The following PLS3 variants were observed in gnomAD, a reference collection of about 807,000 sequenced individuals.
PLS3 encodes the protein plastin-3.
A neutral mutation model predicts 46.5 loss-of-function variants in PLS3; 11 were observed. That is an observed-to-expected ratio of 0.24 (90% confidence interval 0.15 to 0.39). The LOEUF is 0.39. Among genes scored for constraint, PLS3 ranks in the 10% least tolerant of loss-of-function variants. The probability of loss-of-function intolerance (pLI) is 1.00; values close to 1 mark genes in which losing one functional copy is unlikely to be tolerated. For missense variants in PLS3, 308 were observed against 461.8 expected (o/e 0.67, Z 3.05); for synonymous variants, 167 against 162.2 (o/e 1.03, Z -0.22).
chrX:115,583,187 T>C (rs1430294763), intron 1 of PLS3, among the ~76,000 whole-genome samples: 6 of 112,613 alleles, frequency 5.3e-5, no homozygotes, highest in Non-Finnish European at 9.4e-5. Flanking sequence ...AACTATATTA[T>C]GTAAAGCTCA....
chrX:115,581,328 T>G (rs2074278430), intron 1 of PLS3, among the ~76,000 whole-genome samples: 2 of 111,674 alleles, frequency 1.8e-5, no homozygotes, highest in Admixed American at 9.6e-5. Flanking sequence ...GTAATGGAGT[T>G]TGGGATATGT....
At chrX:115,594,648 T>C (rs868941387) in intron 1 of PLS3, among the ~76,000 whole-genome samples, 3 of 90,946 alleles carry the variant, frequency 3.3e-5, no homozygotes, top group Middle Eastern at 4.7e-3. Context: ...TCCCTCCCTC[T>C]CTCTCTCTCT....
At chrX:115,609,743 C>T in intron 1 of PLS3, among the ~76,000 whole-genome samples, 1 of 112,400 alleles carries the variant, frequency 8.9e-6, no homozygotes, top group Non-Finnish European at 1.9e-5. Flanking sequence ...TATATCAAAA[C>T]CAGCTATAAT....
chrX:115,643,184 C>A, intron 9 of PLS3, 129 bp from the exon 10 acceptor site: 1 of 456,618 alleles, frequency 2.2e-6, no homozygotes, highest in Non-Finnish European at 3.8e-6. Context: ...GCATTCAAAA[C>A]AATTTTATAA....
intron 1 of PLS3, among the ~76,000 whole-genome samples, chrX:115,607,568 C>T (rs1040191534): frequency 9.3e-6 from 1 of 107,843 alleles, no homozygotes; most frequent in African/African-American, 3.4e-5. Context: ...GTACGATCTC[C>T]GCTCACTGCA....
Position 115,643,312 on chromosome X carries a change from GGAAACAGAT to G in PLS3, c.990_998del (p.Glu330_Asp332del). The G allele has an allele frequency of 8.5e-7, 1 of 1,176,398 alleles. No homozygotes were observed. The highest frequency in any genetic ancestry group is 1.2e-6 in the Non-Finnish European group (1 of 868,244). On this transcript the variant is annotated inframe_deletion and splice_region_variant, in exon 10 of 16. Coordinates refer to ENST00000355899, the MANE Select transcript of PLS3 (RefSeq NM_005032.7). ...AAAGTCTTCCGATTTTGTTTCAACAGGAAACAGATGATTTGAAGAGAGCTGAGAGTATGC... is the reference window on the plus strand; with the variant it reads ...AAAGTCTTCCGATTTTGTTTCAACAGGATTTGAAGAGAGCTGAGAGTATGC...
At chrX:115,582,804 C>T (rs1366957802) in intron 1 of PLS3, among the ~76,000 whole-genome samples, 3 of 112,351 alleles carry the variant, frequency 2.7e-5, no homozygotes, top group Admixed American at 9.4e-5. Flanking sequence ...TTTAGGAGGC[C>T]GACGCGGGCG....
intron 2 of PLS3, chrX:115,614,589 G>T: frequency 1.4e-6 from 1 of 732,134 alleles, no homozygotes; most frequent in Non-Finnish European, 1.6e-6. Context: ...GAGATGTTTA[G>T]CAGCTGCCTT....
intron 1 of PLS3, chrX:115,562,528 G>C (rs2074145729): frequency 8.9e-6 from 1 of 111,752 alleles, no homozygotes; most frequent in Non-Finnish European, 1.9e-5. Context: ...GGGGGCGCCC[G>C]GCCTGTTAAG....
chrX:115,623,027 C>T (rs1305619986), intron 3 of PLS3, among the ~76,000 whole-genome samples: 1 of 111,288 alleles, frequency 9.0e-6, no homozygotes, highest in Non-Finnish European at 1.9e-5. Context: ...CCCCCCCACC[C>T]CACTCCCAGA....
At chrX:115,619,864 C>A (rs1390022860) in intron 2 of PLS3, among the ~76,000 whole-genome samples, 1 of 110,946 alleles carries the variant, frequency 9.0e-6, no homozygotes, top group Non-Finnish European at 1.9e-5. Flanking sequence ...GACCCTGTCT[C>A]AAAGAAATAC....
intron 1 of PLS3, among the ~76,000 whole-genome samples, chrX:115,569,304 A>G (rs2074198208): frequency 9.0e-6 from 1 of 111,338 alleles, no homozygotes; most frequent in African/African-American, 3.3e-5. Flanking sequence ...TTTATGTTTA[A>G]TATTATTATA....
At chrX:115,641,373 G>A (rs990445465) in intron 9 of PLS3, among the ~76,000 whole-genome samples, 3 of 107,507 alleles carry the variant, frequency 2.8e-5, no homozygotes, top group South Asian at 4.2e-4. Flanking sequence ...GATTACAGGC[G>A]CCCACCACCA....
At chrX:115,571,905 A>G (rs2074218938) in intron 1 of PLS3, among the ~76,000 whole-genome samples, 1 of 112,043 alleles carries the variant, frequency 8.9e-6, no homozygotes, top group African/African-American at 3.2e-5. Context: ...AAAAGCAAAA[A>G]CCAGGAAATG....
chrX:115,593,599 C>G lies in PLS3; in HGVS notation c.-8-16644C>G, dbSNP rs782607121. ...GAGAAGGTTCTGTCTATCAGTGCTG[C>G]GAGAAAGGAAAGAAACAAGTTTGCT... On this transcript the variant is annotated intron_variant, in intron 1 of 15. Transcript: ENST00000355899. The G allele has an allele frequency of 3.6e-5, 4 of 110,560 alleles. No homozygotes were observed. In the South Asian group the frequency reaches 1.5e-3, roughly 42 times the overall value. The allele number at this position is 110,560 out of a possible 1,213,427, so 9.1% of individuals were successfully genotyped here. A position where few individuals can be genotyped will look rare whatever the true frequency, so the allele number is the denominator to read the frequency against.
At position 115,609,560 on chromosome X, in the gene PLS3, T is replaced by A. The variant is rs782615484; in HGVS notation, c.-8-683T>A. The stretch of plus-strand genomic sequence containing the variant: ...TTTAATAACCATATCCAGCTTGAGG[T>A]CATACAAAAACAACTGGTGATCCAG... On this transcript the variant is annotated intron_variant, in intron 1 of 15. Transcript: ENST00000355899. Among the ~76,000 whole-genome samples the A allele has an allele frequency of 1.2e-4, 14 of 112,019 alleles. No individual in the cohort carries two copies. In the South Asian group the frequency reaches 3.7e-3, roughly 30 times the overall value.
intron 8 of PLS3, 41 bp downstream of exon 8, chrX:115,637,019 T>G: frequency 8.7e-7 from 1 of 1,142,901 alleles, no homozygotes; most frequent in African/African-American, 1.8e-5. Flanking sequence ...GGGGATATAA[T>G]AGCTGGAAGA....
chrX:115,629,351 T>A (rs2074741886), intron 4 of PLS3, 24 bp downstream of exon 4: 1 of 1,167,443 alleles, frequency 8.6e-7, no homozygotes, highest in African/African-American at 1.8e-5. Flanking sequence ...ATGCAATAGG[T>A]TAACACAATG....
intron 1 of PLS3, among the ~76,000 whole-genome samples, chrX:115,590,256 G>T (rs782600536): frequency 3.6e-5 from 4 of 111,418 alleles, no homozygotes; most frequent in African/African-American, 1.3e-4. Context: ...TCATTTTGAT[G>T]AATTTGGGAT....
Sources: gnomAD v4.1 joint callset for allele counts (sites outside exome capture counted in the v4.1 genomes callset) on GRCh38, gnomAD v4.1.1 for gene constraint, MANE v1.5 for transcripts, NCBI Gene and HGNC (gene_info 2026-07-23, HGNC 2026-07-21) for gene names.